TAFA5: variants seen among roughly 807,000 people sequenced by gnomAD.
TAFA5 encodes TAFA chemokine like family member 5.
Under a neutral mutation model 15.3 loss-of-function variants are expected in TAFA5, and 6 were observed. The observed-to-expected ratio is 0.39, with a 90% confidence interval of 0.21 to 0.77. TAFA5 has a LOEUF of 0.77. Ranked by LOEUF, TAFA5 falls within the 30% of genes least tolerant of loss-of-function variation. The pLI is 0.41. For missense variants in TAFA5, 161 were observed against 193.1 expected (o/e 0.83, Z 0.98); for synonymous variants, 103 against 80.7 (o/e 1.28, Z -1.48).
At chr22:48,553,208 A>C in intron 1 of TAFA5, among the ~76,000 whole-genome samples, 1 of 149,624 alleles carries the variant, frequency 6.7e-6, no homozygotes, top group Admixed American at 6.6e-5. Context: ...GACCACCTTG[A>C]CTCCACAGGC....
chr22:48,658,124 A>G (rs549063704), intron 2 of TAFA5, among the ~76,000 whole-genome samples: 1 of 151,340 alleles, frequency 6.6e-6, no homozygotes, highest in Non-Finnish European at 1.5e-5. Flanking sequence ...TAGCAGGGAC[A>G]TTCGTGACGT....
chr22:48,669,010 G>A (rs1927716438), intron 2 of TAFA5, among the ~76,000 whole-genome samples: 1 of 152,238 alleles, frequency 6.6e-6, no homozygotes, highest in Middle Eastern at 3.2e-3. Context: ...TGGGAGGTGA[G>A]TAGCTGGTGA....
chr22:48,618,923 G>A (rs1322830505), intron 1 of TAFA5, among the ~76,000 whole-genome samples: 1 of 152,196 alleles, frequency 6.6e-6, no homozygotes, highest in Non-Finnish European at 1.5e-5. Flanking sequence ...TGGGAGGCTG[G>A]TGGAGTCCTG....
intron 2 of TAFA5, among the ~76,000 whole-genome samples, chr22:48,694,529 G>A (rs1271342043): frequency 6.6e-6 from 1 of 152,110 alleles, no homozygotes. Flanking sequence ...GGGCCTGTTT[G>A]CCTTTTCCTG....
At chr22:48,702,238 A>G (rs73175175) in intron 2 of TAFA5, among the ~76,000 whole-genome samples, 30,782 of 151,806 alleles carry the variant, frequency 0.2, 3,287 homozygotes, top group Non-Finnish European at 0.23. Flanking sequence ...CGTGATGGAG[A>G]GCATGGTGTG....
At chr22:48,574,897 T>G (rs1317693992) in intron 1 of TAFA5, among the ~76,000 whole-genome samples, 1 of 152,178 alleles carries the variant, frequency 6.6e-6, no homozygotes, top group Admixed American at 6.5e-5. Context: ...AGGGAGGCAG[T>G]GCAGGGAGGC....
chr22:48,546,788 G>C, intron 1 of TAFA5: 1 of 347,430 alleles, frequency 2.9e-6, no homozygotes, highest in Non-Finnish European at 5.8e-6. Flanking sequence ...GTTTCAGGAG[G>C]GTTGATTCCC....
At chr22:48,637,261 A>C (rs1258540768) in intron 1 of TAFA5, among the ~76,000 whole-genome samples, 2 of 151,940 alleles carry the variant, frequency 1.3e-5, no homozygotes, top group African/African-American at 2.4e-5. Context: ...TCACTAAATG[A>C]GTGTGGCGTA....
intron 2 of TAFA5, among the ~76,000 whole-genome samples, chr22:48,675,567 A>G (rs1385291853): frequency 1.4e-4 from 22 of 152,270 alleles, no homozygotes; most frequent in Non-Finnish European, 2.8e-4. Flanking sequence ...CCAGCTGGGC[A>G]TCTCAGCAGG....
intron 3 of TAFA5, among the ~76,000 whole-genome samples, chr22:48,715,561 A>G (rs1474725766): frequency 6.6e-6 from 1 of 152,150 alleles, no homozygotes; most frequent in African/African-American, 2.4e-5. Context: ...AGCCTTAGGG[A>G]CATGTTTGGC....
chr22:48,643,387 C>T (rs1031461370), intron 1 of TAFA5, among the ~76,000 whole-genome samples: 11 of 152,144 alleles, frequency 7.2e-5, no homozygotes, highest in African/African-American at 2.7e-4. Flanking sequence ...GAGTTTGGTT[C>T]GAATTGTGTC....
intron 3 of TAFA5, among the ~76,000 whole-genome samples, chr22:48,712,679 C>T (rs1158141695): frequency 6.6e-6 from 1 of 152,156 alleles, no homozygotes; most frequent in Non-Finnish European, 1.5e-5. Context: ...CTGCCCCAGG[C>T]GAGGGGACCC....
intron 2 of TAFA5, among the ~76,000 whole-genome samples, chr22:48,695,681 T>C (rs1456101792): frequency 6.6e-6 from 1 of 152,058 alleles, no homozygotes; most frequent in Admixed American, 6.5e-5. Context: ...TCATGGGTTG[T>C]GTGGTTCTCA....
At chr22:48,518,735 G>T (rs1921503115) in intron 1 of TAFA5, among the ~76,000 whole-genome samples, 2 of 152,290 alleles carry the variant, frequency 1.3e-5, no homozygotes, top group South Asian at 4.2e-4. Flanking sequence ...TAAGGTCACG[G>T]TCACGCCCAG....
intron 2 of TAFA5, among the ~76,000 whole-genome samples, chr22:48,688,994 A>G (rs938666756): frequency 6.6e-5 from 4 of 60,950 alleles, no homozygotes; most frequent in African/African-American, 1.8e-4. Context: ...TTGTCTCGGA[A>G]AAAAAAAAAA....
At chr22:48,599,275 AT>A (rs762143519) in intron 1 of TAFA5, among the ~76,000 whole-genome samples, 7 of 152,204 alleles carry the variant, frequency 4.6e-5, no homozygotes, top group Non-Finnish European at 7.4e-5. Context: ...ACCAGCGCCC[AT>A]CCTGAGACTC....
At chr22:48,496,156 A>T (rs1411487386) in intron 1 of TAFA5, among the ~76,000 whole-genome samples, 2 of 152,236 alleles carry the variant, frequency 1.3e-5, no homozygotes, top group Non-Finnish European at 2.9e-5. Flanking sequence ...ATGCATCCCC[A>T]TCCCCTCTCC....
intron 1 of TAFA5, among the ~76,000 whole-genome samples, chr22:48,534,653 G>A (rs545967315): frequency 9.2e-5 from 14 of 152,308 alleles, no homozygotes; most frequent in African/African-American, 1.4e-4. Context: ...GGTGCTTGCT[G>A]GGGCCGCCCT....
In TAFA5 at chr22:48,635,523, G is replaced by A. The variant is rs143815739; in HGVS notation, c.113-11074G>A. Among the ~76,000 whole-genome samples, 676 of 152,318 alleles carry A rather than the reference G, an allele frequency of 4.4e-3. 4 individuals carry two copies. Among genetic ancestry groups the A allele is most frequent in the African/African-American group, 0.016 (651 of 41,580 alleles). On this transcript the variant is annotated intron_variant, in intron 1 of 3. Coordinates refer to ENST00000402357, the MANE Select transcript of TAFA5 (RefSeq NM_001082967.3). ...TGTCTGTCTTCCCAGGCGTCACTGC[G>A]CAGCGCATTTCAGGGGCTCTTGAGC...
Sources: allele counts gnomAD v4.1 joint callset (sites outside exome capture counted in the v4.1 genomes callset), GRCh38; gene constraint gnomAD v4.1.1; transcripts MANE v1.5; gene names NCBI Gene and HGNC (gene_info 2026-07-23, HGNC 2026-07-21).